The following TMTC2 variants were observed in gnomAD, a reference collection of about 807,000 sequenced individuals.
TMTC2 encodes transmembrane O-mannosyltransferase targeting cadherins 2.
In TMTC2, 43 loss-of-function variants were observed where a neutral mutation model predicts 82.4. That is an observed-to-expected ratio of 0.52 (90% confidence interval 0.41 to 0.67). The LOEUF is 0.67. Ranked by LOEUF, TMTC2 falls within the 30% of genes least tolerant of loss-of-function variation. The probability of loss-of-function intolerance (pLI) is 0.00; values close to 1 mark genes in which losing one functional copy is unlikely to be tolerated. For missense variants in TMTC2, 919 were observed against 1,012.4 expected (o/e 0.91, Z 1.25); for synonymous variants, 408 against 381.9 (o/e 1.07, Z -0.80).
chr12:82,763,828 C>T (rs1428989146), intron 1 of TMTC2, among the ~76,000 whole-genome samples: 1 of 152,142 alleles, frequency 6.6e-6, no homozygotes, highest in Middle Eastern at 3.2e-3. Context: ...GGGACAAATA[C>T]TCTTGTCATG....
At chr12:82,892,147 C>A (rs1166442608) in intron 2 of TMTC2, among the ~76,000 whole-genome samples, 1 of 152,192 alleles carries the variant, frequency 6.6e-6, no homozygotes, top group Non-Finnish European at 1.5e-5. Flanking sequence ...TATGTGAAAG[C>A]ATTTCACTTC....
At chr12:83,072,215 G>A (rs1306340696) in intron 11 of TMTC2, among the ~76,000 whole-genome samples, 7 of 151,948 alleles carry the variant, frequency 4.6e-5, no homozygotes, top group South Asian at 2.1e-4. Flanking sequence ...CATTATTGTC[G>A]TTCAGTTCAA....
intron 1 of TMTC2, among the ~76,000 whole-genome samples, chr12:82,843,402 A>G (rs1336224539): frequency 1.3e-5 from 2 of 151,938 alleles, no homozygotes; most frequent in South Asian, 2.1e-4. Context: ...CTTACTTTCC[A>G]GTGTCCACAT....
At chr12:82,731,302 C>T (rs1874797388) in intron 1 of TMTC2, among the ~76,000 whole-genome samples, 1 of 152,170 alleles carries the variant, frequency 6.6e-6, no homozygotes, top group Non-Finnish European at 1.5e-5. Context: ...GCGTAGGTTG[C>T]CAACGTGGGG....
intron 2 of TMTC2, among the ~76,000 whole-genome samples, chr12:82,861,455 G>A (rs1871544230): frequency 6.6e-6 from 1 of 152,188 alleles, no homozygotes; most frequent in African/African-American, 2.4e-5. Context: ...CACCAAAAAT[G>A]TTACAAGACT....
chr12:82,823,778 C>A (rs968275133), intron 1 of TMTC2, among the ~76,000 whole-genome samples: 8 of 152,146 alleles, frequency 5.3e-5, no homozygotes, highest in Middle Eastern at 3.4e-3. Context: ...GTGTTCTAGT[C>A]CTAAATCTCT....
At chr12:82,874,799 T>C (rs2137142807) in intron 2 of TMTC2, among the ~76,000 whole-genome samples, 1 of 152,320 alleles carries the variant, frequency 6.6e-6, no homozygotes, top group East Asian at 1.9e-4. Context: ...TTACATTACC[T>C]GTATAATCAT....
At chr12:83,081,300 T>C (rs981054569) in intron 11 of TMTC2, among the ~76,000 whole-genome samples, 1 of 152,226 alleles carries the variant, frequency 6.6e-6, no homozygotes, top group Non-Finnish European at 1.5e-5. Context: ...CCTGACTCAT[T>C]ATTATGCTAA....
chr12:82,801,368 G>C (rs1050669898), intron 1 of TMTC2, among the ~76,000 whole-genome samples: 2 of 152,102 alleles, frequency 1.3e-5, no homozygotes, highest in African/African-American at 4.8e-5. Flanking sequence ...CAAAGAGTGA[G>C]CAGCAGCAAG....
At chr12:83,026,058 C>G (rs1475290636) in intron 8 of TMTC2, among the ~76,000 whole-genome samples, 3 of 152,136 alleles carry the variant, frequency 2.0e-5, no homozygotes, top group African/African-American at 7.2e-5. Flanking sequence ...GCCTCCATCC[C>G]TTCTCCTCTT....
intron 4 of TMTC2, among the ~76,000 whole-genome samples, chr12:82,945,189 G>C (rs577397402): frequency 6.6e-6 from 1 of 152,110 alleles, no homozygotes; most frequent in Non-Finnish European, 1.5e-5. Context: ...TTTAGAAATT[G>C]GAGCCTGGCA....
intron 3 of TMTC2, among the ~76,000 whole-genome samples, chr12:82,924,648 A>C (rs1364063186): frequency 6.6e-6 from 1 of 152,144 alleles, no homozygotes; most frequent in Non-Finnish European, 1.5e-5. Flanking sequence ...GATGATTTTT[A>C]ATTTCTAAGT....
chr12:82,820,198 A>C (rs1486112422), intron 1 of TMTC2, among the ~76,000 whole-genome samples: 2 of 152,128 alleles, frequency 1.3e-5, no homozygotes, highest in Non-Finnish European at 1.5e-5. Context: ...GTGCCCACCC[A>C]GATTGAGGGT....
rs142256604 is a variant in TMTC2 at position 83,110,709 on chromosome 12, T to C, written c.2332-21501T>C. 1.8e-3 allele frequency among the ~76,000 whole-genome samples: 271 copies of C among 152,346 alleles called. 2 individuals carry two copies. The highest frequency in any genetic ancestry group is 6.3e-3 in the African/African-American group (260 of 41,588). On this transcript the variant is annotated intron_variant, in intron 11 of 11. Transcript: ENST00000321196. ...TCCCTCCTTTGCAACCACCTAACTC[T>C]GGTACCTCTTGTGGTTTACCCACTT... is the stretch of plus-strand genomic sequence containing the variant.
intron 8 of TMTC2, among the ~76,000 whole-genome samples, chr12:82,987,365 G>A (rs950137774): frequency 9.7e-5 from 13 of 133,926 alleles, no homozygotes; most frequent in Admixed American, 1.7e-4. Flanking sequence ...CCAAGGTTGC[G>A]GTGAGCCGAG....
At chr12:82,700,197 G>C (rs1437705383) in intron 1 of TMTC2, among the ~76,000 whole-genome samples, 21 of 152,070 alleles carry the variant, frequency 1.4e-4, no homozygotes, top group Non-Finnish European at 7.4e-5. Flanking sequence ...TTTATCCTCT[G>C]TTCTCTCTTA....
chr12:82,848,290 T>C (rs1405551023), intron 1 of TMTC2, among the ~76,000 whole-genome samples: 1 of 152,192 alleles, frequency 6.6e-6, no homozygotes, highest in African/African-American at 2.4e-5. Context: ...AAATATTGAC[T>C]GTTGGCCTGG....
chr12:82,938,416 G>C (rs1190263271), intron 4 of TMTC2, among the ~76,000 whole-genome samples: 1 of 152,122 alleles, frequency 6.6e-6, no homozygotes, highest in Non-Finnish European at 1.5e-5. Flanking sequence ...TTCAGGACAG[G>C]GTTTCCTACC....
At chr12:82,895,465 C>T (rs1199349468) in intron 2 of TMTC2, among the ~76,000 whole-genome samples, 2 of 152,054 alleles carry the variant, frequency 1.3e-5, no homozygotes, top group Admixed American at 1.3e-4. Flanking sequence ...AAGTACTGTA[C>T]ATTGTGGTCC....
Sources: gnomAD v4.1 joint callset for allele counts (sites outside exome capture counted in the v4.1 genomes callset) on GRCh38, gnomAD v4.1.1 for gene constraint, MANE v1.5 for transcripts, NCBI Gene and HGNC (gene_info 2026-07-23, HGNC 2026-07-21) for gene names.